CFAP299: variants seen among roughly 807,000 people sequenced by gnomAD.
CFAP299 encodes the protein cilia and flagella associated protein 299, also known as cilia- and flagella-associated protein 299.
In CFAP299, 21 loss-of-function variants were observed where a neutral mutation model predicts 27.0. The ratio of observed to expected loss-of-function variants is 0.78; its 90% CI spans 0.55 to 1.12. CFAP299 has a LOEUF of 1.12. CFAP299 is among the 50% of genes most tolerant of loss of function. The pLI is 0.00. For synonymous variants in CFAP299, 104 were observed against 98.1 expected, an observed-to-expected ratio of 1.06 and a Z score of -0.36; for missense variants, 310 against 276.6, an observed-to-expected ratio of 1.12 and a Z score of -0.86.
At chr4:80,574,822 A>G (rs576001761) in intron 2 of CFAP299, among the ~76,000 whole-genome samples, 7 of 152,176 alleles carry the variant, frequency 4.6e-5, no homozygotes, top group South Asian at 2.1e-4. Context: ...CTTGGTCATG[A>G]TACATAATCT....
intron 4 of CFAP299, among the ~76,000 whole-genome samples, chr4:80,891,429 G>T (rs1464130109): frequency 1.3e-5 from 2 of 151,156 alleles, no homozygotes; most frequent in African/African-American, 4.9e-5. Context: ...GGAATACTAT[G>T]CAGCCATAAA....
At chr4:80,589,941 G>C (rs566876526) in intron 3 of CFAP299, among the ~76,000 whole-genome samples, 8 of 152,122 alleles carry the variant, frequency 5.3e-5, no homozygotes, top group African/African-American at 1.9e-4. Context: ...AAATGATTGA[G>C]GGAAACTCTC....
At chr4:80,457,462 C>T (rs572700772) in intron 2 of CFAP299, among the ~76,000 whole-genome samples, 1 of 152,208 alleles carries the variant, frequency 6.6e-6, no homozygotes, top group African/African-American at 2.4e-5. Context: ...TTCCATGGCC[C>T]ATGTGAATGG....
At chr4:80,746,598 C>A (rs186817401) in intron 3 of CFAP299, among the ~76,000 whole-genome samples, 5 of 151,880 alleles carry the variant, frequency 3.3e-5, no homozygotes, top group African/African-American at 9.7e-5. Context: ...ATCAGGTTGA[C>A]GTAACTTTTT....
chr4:80,432,875 G>C (rs756805221), intron 2 of CFAP299, among the ~76,000 whole-genome samples: 4 of 152,054 alleles, frequency 2.6e-5, no homozygotes, highest in Non-Finnish European at 1.5e-5. Context: ...TCTAGAGTTG[G>C]AGGGAGGGGA....
intron 3 of CFAP299, among the ~76,000 whole-genome samples, chr4:80,814,666 T>G (rs1482640295): frequency 1.3e-5 from 2 of 151,976 alleles, no homozygotes; most frequent in Admixed American, 6.6e-5. Flanking sequence ...TTAGTTATTT[T>G]TACTTGCTTT....
chr4:80,707,133 C>A (rs895046836), intron 3 of CFAP299, among the ~76,000 whole-genome samples: 1 of 151,886 alleles, frequency 6.6e-6, no homozygotes, highest in Non-Finnish European at 1.5e-5. Flanking sequence ...CATGGGGACC[C>A]TGACCAGTAA....
intron 3 of CFAP299, among the ~76,000 whole-genome samples, chr4:80,591,304 T>C: frequency 6.6e-6 from 1 of 151,254 alleles, no homozygotes; most frequent in Non-Finnish European, 1.5e-5. Context: ...TTTGTATTTT[T>C]AGTAGAGACG....
intron 2 of CFAP299, among the ~76,000 whole-genome samples, chr4:80,435,918 G>A (rs754167045): frequency 2.0e-5 from 3 of 152,144 alleles, no homozygotes; most frequent in Non-Finnish European, 4.4e-5. Context: ...TTTATAGGTT[G>A]TCAAACCATG....
At chr4:80,586,356 G>T (rs765732367) in intron 3 of CFAP299, among the ~76,000 whole-genome samples, 9 of 152,046 alleles carry the variant, frequency 5.9e-5, no homozygotes, top group Non-Finnish European at 1.0e-4. Flanking sequence ...TAGTCTTTAA[G>T]GAAAACATTG....
chr4:80,769,321 A>G (rs557449709), intron 3 of CFAP299, among the ~76,000 whole-genome samples: 1 of 152,302 alleles, frequency 6.6e-6, no homozygotes, highest in East Asian at 1.9e-4. Flanking sequence ...ACTAAAGGTG[A>G]CATGGCTCGT....
chr4:80,841,141 AAT>A (rs1467549272), intron 3 of CFAP299, among the ~76,000 whole-genome samples: 1 of 152,170 alleles, frequency 6.6e-6, no homozygotes. Context: ...GCACTTTATA[AAT>A]ATGTGTTGAA....
At chr4:80,942,394 T>C (rs1044606262) in intron 4 of CFAP299, among the ~76,000 whole-genome samples, 1 of 152,134 alleles carries the variant, frequency 6.6e-6, no homozygotes, top group South Asian at 2.1e-4. Context: ...ACCTACTCCA[T>C]GGATTTGGTG....
intron 3 of CFAP299, among the ~76,000 whole-genome samples, chr4:80,769,657 G>A (rs1228279701): frequency 6.6e-6 from 1 of 152,172 alleles, no homozygotes; most frequent in Non-Finnish European, 1.5e-5. Context: ...GCCTCCCAAA[G>A]TGCTGGGATT....
At chr4:80,873,153 T>A (rs1733195336) in intron 4 of CFAP299, 1 of 347,400 alleles carries the variant, frequency 2.9e-6, no homozygotes, top group African/African-American at 2.2e-5. Flanking sequence ...GCAGTTGTTA[T>A]TAGGGGAAAA....
At position 80,892,870 on chromosome 4, in the gene CFAP299, C is replaced by T. The variant is rs183298715; in HGVS notation, c.476+22735C>T. 2.1e-3 allele frequency among the ~76,000 whole-genome samples: 315 copies of T among 152,116 alleles called. 1 individual carries two copies. Among genetic ancestry groups the T allele is most frequent in the Non-Finnish European group, 3.1e-3 (208 of 67,958 alleles). ...TCTACTCAATATAGTACTGAAAATT[C>T]ATGCCAGGGCTTTTGGACAAGATGA... On this transcript the variant is annotated intron_variant, in intron 4 of 5. Coordinates refer to ENST00000358105, the MANE Select transcript of CFAP299 (RefSeq NM_152770.3).
chr4:80,348,553 T>C (rs1722860691), intron 1 of CFAP299, among the ~76,000 whole-genome samples: 1 of 152,072 alleles, frequency 6.6e-6, no homozygotes, highest in East Asian at 1.9e-4. Context: ...CACTGATCAT[T>C]AGGGAAATGC....
At position 80,386,531 on chromosome 4, in the gene CFAP299, C is replaced by T. The variant is rs529672866; in HGVS notation, c.242+23647C>T. 25 of 1,586,230 alleles carry T rather than the reference C, an allele frequency of 1.6e-5. 1 individual carries two copies. The East Asian group carries it at 3.4e-4, about 21-fold the overall frequency. ...CGGTGGTGGGGGGGGGGGGTGCCGCCGGGTTTGCAGGTCCTTTTCCTTCTG... is the reference window on the plus strand; with the variant it reads ...CGGTGGTGGGGGGGGGGGGTGCCGCTGGGTTTGCAGGTCCTTTTCCTTCTG... On this transcript the variant is annotated intron_variant, in intron 2 of 5. Transcript: ENST00000358105.
intron 2 of CFAP299, among the ~76,000 whole-genome samples, chr4:80,452,072 A>G (rs575162800): frequency 1.3e-5 from 2 of 152,340 alleles, no homozygotes; most frequent in Admixed American, 6.5e-5. Flanking sequence ...AGGCTACAGT[A>G]GATCTTCACC....
Sources: gnomAD v4.1 joint callset for allele counts (sites outside exome capture counted in the v4.1 genomes callset) on GRCh38, gnomAD v4.1.1 for gene constraint, MANE v1.5 for transcripts, NCBI Gene and HGNC (gene_info 2026-07-23, HGNC 2026-07-21) for gene names.